PDCD1LG2: variants seen among roughly 807,000 people sequenced by gnomAD.
PDCD1LG2 encodes the protein B7 dendritic cell molecule.
A neutral mutation model predicts 28.2 loss-of-function variants in PDCD1LG2; 32 were observed. The ratio of observed to expected loss-of-function variants is 1.13; its 90% CI spans 0.86 to 1.52. The LOEUF (loss-of-function observed/expected upper bound fraction) is 1.52, where lower values mean the gene tolerates loss of function less well. Ranked by LOEUF, PDCD1LG2 falls within the 40% of genes most tolerant of loss-of-function variation. The pLI, the probability that PDCD1LG2 is intolerant of heterozygous loss-of-function variation, is 0.00. For missense variants in PDCD1LG2, 385 were observed against 323.8 expected (o/e 1.19, Z -1.45); for synonymous variants, 116 against 120.2 (o/e 0.97, Z 0.23).
intron 3 of PDCD1LG2, among the ~76,000 whole-genome samples, chr9:5,541,706 GA>G (rs1323793611): frequency 2.0e-5 from 3 of 152,104 alleles, no homozygotes; most frequent in Non-Finnish European, 4.4e-5. Flanking sequence ...CCATGTTCAT[GA>G]ATAGGTACAA....
intron 1 of PDCD1LG2, among the ~76,000 whole-genome samples, chr9:5,512,683 C>G (rs534942329): frequency 6.0e-4 from 92 of 152,282 alleles, no homozygotes; most frequent in African/African-American, 2.2e-3. Context: ...TTATCTTTAG[C>G]CCTAAATTTT....
At chr9:5,557,116 A>G (rs185674871) in intron 4 of PDCD1LG2, among the ~76,000 whole-genome samples, 4 of 152,278 alleles carry the variant, frequency 2.6e-5, no homozygotes, top group Non-Finnish European at 5.9e-5. Context: ...TATAGATTCT[A>G]AGCACTGTGA....
At chr9:5,545,160 T>C (rs370250842) in intron 3 of PDCD1LG2, among the ~76,000 whole-genome samples, 50 of 152,234 alleles carry the variant, frequency 3.3e-4, no homozygotes, top group African/African-American at 1.2e-3. Context: ...TAACTAATTA[T>C]TTAACACCCT....
chr9:5,554,647 G>A (rs774264499), intron 4 of PDCD1LG2, among the ~76,000 whole-genome samples: 1 of 152,222 alleles, frequency 6.6e-6, no homozygotes, highest in African/African-American at 2.4e-5. Flanking sequence ...TTTTGAAATA[G>A]GGTTTCTTCT....
intron 6 of PDCD1LG2, among the ~76,000 whole-genome samples, chr9:5,564,748 A>C (rs7858319): frequency 0.13 from 19,449 of 152,190 alleles, 1,378 homozygotes; most frequent in Middle Eastern, 0.23. Context: ...ACCACTCTTC[A>C]ACAAAACTTT....
intron 4 of PDCD1LG2, among the ~76,000 whole-genome samples, chr9:5,554,790 G>C (rs2129906060): frequency 6.6e-6 from 1 of 152,352 alleles, no homozygotes; most frequent in Admixed American, 6.5e-5. Flanking sequence ...ATTCCAGGCA[G>C]TGGTTGAGAG....
chr9:5,565,222 A>G (rs528563445), intron 6 of PDCD1LG2, among the ~76,000 whole-genome samples: 1 of 152,244 alleles, frequency 6.6e-6, no homozygotes, highest in South Asian at 2.1e-4. Context: ...TTGCTCTATC[A>G]CCCAGGTTGG....
intron 6 of PDCD1LG2, among the ~76,000 whole-genome samples, chr9:5,568,872 A>C (rs1410616688): frequency 2.0e-5 from 3 of 152,218 alleles, no homozygotes; most frequent in Admixed American, 6.5e-5. Context: ...CAAACAATAC[A>C]TGAAAGTTCA....
At chr9:5,525,873 CT>C (rs1563822602) in intron 2 of PDCD1LG2, among the ~76,000 whole-genome samples, 2 of 151,958 alleles carry the variant, frequency 1.3e-5, no homozygotes, top group East Asian at 3.9e-4. Flanking sequence ...ATGGTGAAAC[CT>C]CGTCTCTACA....
At chr9:5,515,823 T>G (rs902332501) in intron 1 of PDCD1LG2, among the ~76,000 whole-genome samples, 2 of 140,146 alleles carry the variant, frequency 1.4e-5, no homozygotes, top group African/African-American at 5.4e-5. Context: ...CTCAGGAGGC[T>G]GAGGCAGGAG....
chr9:5,511,285 T>C (rs1563817672), intron 1 of PDCD1LG2, among the ~76,000 whole-genome samples: 1 of 152,242 alleles, frequency 6.6e-6, no homozygotes, highest in Non-Finnish European at 1.5e-5. Context: ...ACTATTATCT[T>C]AATAACTTAT....
rs562654275 is a variant in PDCD1LG2 at position 5,548,326 on chromosome 9, A to T, written c.362-1009A>T. Reference sequence around the variant, plus strand: ...TTCCATCCATGTTGTCATGAATGACAGATTTTACTTCTTTCTAAGGGCTGT... The same window carrying T: ...TTCCATCCATGTTGTCATGAATGACTGATTTTACTTCTTTCTAAGGGCTGT... On this transcript the variant is annotated intron_variant, in intron 3 of 6. Transcript: ENST00000397747. Among the ~76,000 whole-genome samples the T allele has an allele frequency of 1.4e-4, 22 of 152,358 alleles. 1 individual carries two copies. The highest frequency in any genetic ancestry group is 3.3e-4 in the Admixed American group (5 of 15,302).
At chr9:5,536,433 T>C (rs2129805130) in intron 3 of PDCD1LG2, among the ~76,000 whole-genome samples, 1 of 152,342 alleles carries the variant, frequency 6.6e-6, no homozygotes, top group South Asian at 2.1e-4. Context: ...AACTGTTTTC[T>C]ATCTTTATTG....
intron 1 of PDCD1LG2, among the ~76,000 whole-genome samples, chr9:5,517,813 T>A (rs960886025): frequency 7.9e-5 from 12 of 151,986 alleles, no homozygotes; most frequent in African/African-American, 2.9e-4. Flanking sequence ...AGATGTAGAG[T>A]GAGAAAAGAA....
Position 5,534,757 on chromosome 9 carries a change from T to A in PDCD1LG2, c.68T>A (p.Val23Glu). ...GTTTTCTTTTCAGCTTTATTCACAG[T>A]GACAGTCCCTAAGGAACTGTACATA... ...QLHQIAALFTVTVPKELYIIE... is the reference protein window; with the variant it reads ...QLHQIAALFTETVPKELYIIE... The change falls in exon 3 of 7, where the codon GTG (valine) becomes GAG (glutamate). Residue 23 changes from valine (V) to glutamate (E), a missense_variant. By Grantham distance (121) the Val-to-Glu change is moderately radical. Transcript: ENST00000397747. 1 of 1,600,134 alleles carries A rather than the reference T, an allele frequency of 6.2e-7. No individual in the cohort carries two copies. Among genetic ancestry groups the A allele is most frequent in the Non-Finnish European group, 8.5e-7 (1 of 1,170,674 alleles).
intron 1 of PDCD1LG2, among the ~76,000 whole-genome samples, chr9:5,514,712 C>T (rs1003902953): frequency 3.6e-5 from 5 of 137,998 alleles, no homozygotes; most frequent in African/African-American, 1.1e-4. Context: ...GCTCTATGAT[C>T]ACACCTGTGA....
chr9:5,558,422 G>A (rs1816490447), intron 5 of PDCD1LG2, among the ~76,000 whole-genome samples: 1 of 152,158 alleles, frequency 6.6e-6, no homozygotes, highest in Admixed American at 6.5e-5. Context: ...GTCTGTCTTT[G>A]GTTTCCTGGG....
intron 4 of PDCD1LG2, among the ~76,000 whole-genome samples, chr9:5,554,135 C>A (rs1271710520): frequency 3.3e-5 from 5 of 152,196 alleles, no homozygotes; most frequent in Non-Finnish European, 4.4e-5. Context: ...TTTTTAATTG[C>A]TATTTTATTT....
chr9:5,560,301 G>T (rs1199953930), intron 5 of PDCD1LG2, among the ~76,000 whole-genome samples: 2 of 152,178 alleles, frequency 1.3e-5, no homozygotes, highest in East Asian at 1.9e-4. Flanking sequence ...CCCACAAACT[G>T]CCAGAAAGCT....
Sources: allele counts gnomAD v4.1 joint callset (sites outside exome capture counted in the v4.1 genomes callset), GRCh38; gene constraint gnomAD v4.1.1; transcripts MANE v1.5; gene names NCBI Gene and HGNC (gene_info 2026-07-23, HGNC 2026-07-21).